Variants in UTS2B observed in about 807,000 individuals in gnomAD.
UTS2B encodes the protein urotensin-2B.
A neutral mutation model predicts 19.2 loss-of-function variants in UTS2B; 21 were observed. The observed-to-expected ratio is 1.09, with a 90% CI of 0.78 to 1.58. The LOEUF (loss-of-function observed/expected upper bound fraction) is 1.58, where lower values mean the gene tolerates loss of function less well. UTS2B is among the 40% of genes most tolerant of loss of function. The probability of loss-of-function intolerance (pLI) is 0.00; values close to 1 mark genes in which losing one functional copy is unlikely to be tolerated. For synonymous variants in UTS2B, 57 were observed against 50.2 expected (o/e 1.14, Z -0.58); for missense variants, 138 against 130.3 (o/e 1.06, Z -0.29).
At chr3:191,305,845 C>T (rs895636439) in intron 3 of UTS2B, among the ~76,000 whole-genome samples, 3 of 152,076 alleles carry the variant, frequency 2.0e-5, no homozygotes, top group African/African-American at 4.8e-5. Context: ...TTTGTGTACG[C>T]AGTAAGGAAG....
chr3:191,330,930 G>A (rs989392725), upstream of UTS2B, among the ~76,000 whole-genome samples: 1 of 152,140 alleles, frequency 6.6e-6, no homozygotes. Flanking sequence ...AAGCTTAGGC[G>A]TGAGATTTTA....
At chr3:191,289,798 A>G (rs934240720) in intron 4 of UTS2B, among the ~76,000 whole-genome samples, 2 of 152,208 alleles carry the variant, frequency 1.3e-5, no homozygotes, top group Non-Finnish European at 2.9e-5. Context: ...GTTGTGGGGA[A>G]GGGAGAATGT....
intron 8 of UTS2B, among the ~76,000 whole-genome samples, chr3:191,274,805 C>G (rs891006703): frequency 6.6e-6 from 1 of 151,994 alleles, no homozygotes; most frequent in South Asian, 2.1e-4. Context: ...GAAAAATTAT[C>G]CAAAAGCATA....
intron 4 of UTS2B, among the ~76,000 whole-genome samples, chr3:191,282,795 A>C (rs946054110): frequency 3.9e-5 from 6 of 152,218 alleles, no homozygotes; most frequent in African/African-American, 1.4e-4. Context: ...ATGGGATCAC[A>C]TTACTGTCTC....
At chr3:191,295,016 G>A (rs1716820202) in intron 4 of UTS2B, among the ~76,000 whole-genome samples, 1 of 144,324 alleles carries the variant, frequency 6.9e-6, no homozygotes, top group Non-Finnish European at 1.5e-5. Flanking sequence ...GGGTGACAGA[G>A]TAAGACTCCG....
intron 8 of UTS2B, among the ~76,000 whole-genome samples, chr3:191,269,113 C>T (rs1716019606): frequency 6.6e-6 from 1 of 152,194 alleles, no homozygotes; most frequent in Admixed American, 6.5e-5. Context: ...ACAGTAGTTG[C>T]ATCTAGCTAA....
At chr3:191,308,083 C>T (rs915894324) in intron 3 of UTS2B, among the ~76,000 whole-genome samples, 5 of 152,286 alleles carry the variant, frequency 3.3e-5, no homozygotes, top group South Asian at 2.1e-4. Flanking sequence ...ATCTGCCCAC[C>T]TTGGCCTCCC....
chr3:191,275,634 T>G (rs750118114), intron 7 of UTS2B, among the ~76,000 whole-genome samples: 1 of 151,614 alleles, frequency 6.6e-6, no homozygotes, highest in East Asian at 1.9e-4. Context: ...GAGCCGAGAT[T>G]GCACCACTGT....
chr3:191,310,806 G>T (rs1343247400), intron 3 of UTS2B, among the ~76,000 whole-genome samples: 2 of 152,156 alleles, frequency 1.3e-5, no homozygotes, highest in African/African-American at 2.4e-5. Flanking sequence ...TACAGAGATT[G>T]AACAGATGAA....
At chr3:191,341,679 C>T in the UTS2B span, among the ~76,000 whole-genome samples, 1 of 152,074 alleles carries the variant, frequency 6.6e-6, no homozygotes, top group East Asian at 1.9e-4. Context: ...CAAGAGTTCA[C>T]ATGTAACTGA....
intron 2 of UTS2B, among the ~76,000 whole-genome samples, chr3:191,327,682 A>T (rs931360408): frequency 1.3e-5 from 2 of 152,174 alleles, no homozygotes; most frequent in Non-Finnish European, 2.9e-5. Flanking sequence ...GGTCAATCAC[A>T]ACAGGAAGCC....
rs144347234 is a variant in UTS2B at position 191,324,868 on chromosome 3, G to A, written c.-586+3763C>T. ...GTTCAAGACCAGCCTGGCCAACATG[G>A]TGAAACCTCCTCTCTACTAAATATG... On this transcript the variant is annotated intron_variant, in intron 2 of 8. Transcript: ENST00000340524. Among the ~76,000 whole-genome samples, 263 of 152,134 alleles carry A rather than the reference G, an allele frequency of 1.7e-3. 4 individuals are homozygous for A. Among genetic ancestry groups the A allele is most frequent in the African/African-American group, 6.0e-3 (247 of 41,506 alleles).
intron 3 of UTS2B, among the ~76,000 whole-genome samples, chr3:191,315,144 C>G (rs1717412680): frequency 6.6e-6 from 1 of 151,930 alleles, no homozygotes; most frequent in South Asian, 2.1e-4. Context: ...TCCCGAGTAG[C>G]TAGGATTATA....
At chr3:191,334,196 G>C (rs1415274464), upstream of UTS2B, among the ~76,000 whole-genome samples, 1 of 152,072 alleles carries the variant, frequency 6.6e-6, no homozygotes, top group Non-Finnish European at 1.5e-5. Flanking sequence ...AATTTTCCAT[G>C]GTACATGAAC....
intron 2 of UTS2B, among the ~76,000 whole-genome samples, chr3:191,320,434 T>C (rs750044814): frequency 6.6e-5 from 10 of 152,190 alleles, no homozygotes; most frequent in Non-Finnish European, 1.5e-4. Context: ...TAGCAGATGA[T>C]GCTAAGCACT....
chr3:191,300,841 G>A (rs1389008142), intron 4 of UTS2B, among the ~76,000 whole-genome samples: 2 of 152,162 alleles, frequency 1.3e-5, no homozygotes, highest in Admixed American at 6.5e-5. Context: ...TTTGCCTTCA[G>A]GTATAATTGT....
chr3:191,344,784 G>T, the UTS2B span, among the ~76,000 whole-genome samples: 2 of 152,144 alleles, frequency 1.3e-5, no homozygotes, highest in African/African-American at 4.8e-5. Flanking sequence ...TCACTCTGTT[G>T]CCCAGGCTGG....
At chr3:191,305,305 T>C (rs1290191953) in intron 3 of UTS2B, among the ~76,000 whole-genome samples, 1 of 152,226 alleles carries the variant, frequency 6.6e-6, no homozygotes, top group Non-Finnish European at 1.5e-5. Context: ...GTGTTCCTTT[T>C]TCTCCAGAAC....
At chr3:191,274,404 C>A (rs1185197926) in intron 8 of UTS2B, among the ~76,000 whole-genome samples, 2 of 152,168 alleles carry the variant, frequency 1.3e-5, no homozygotes, top group African/African-American at 4.8e-5. Flanking sequence ...CTCCTCCCAA[C>A]AATCCCATGA....
Sources: allele counts gnomAD v4.1 joint callset (sites outside exome capture counted in the v4.1 genomes callset), GRCh38; gene constraint gnomAD v4.1.1; transcripts MANE v1.5; gene names NCBI Gene and HGNC (gene_info 2026-07-23, HGNC 2026-07-21).